MPRIP: variants seen among roughly 807,000 people sequenced by gnomAD.
The protein encoded by MPRIP is myosin phosphatase Rho interacting protein.
Under a neutral mutation model 234.9 loss-of-function variants are expected in MPRIP, and 59 were observed. The ratio of observed to expected loss-of-function variants is 0.25; its 90% confidence interval spans 0.20 to 0.31. The LOEUF is 0.31. MPRIP is among the 10% of genes least tolerant of loss of function. MPRIP has a pLI of 1.00. For synonymous variants in MPRIP, 1,144 were observed against 1,263.9 expected (o/e 0.91, Z 2.01); for missense variants, 2,436 against 3,071.0 (o/e 0.79, Z 4.89).
At chr17:17,079,365 A>G (rs1021533668) in intron 3 of MPRIP, among the ~76,000 whole-genome samples, 1 of 152,192 alleles carries the variant, frequency 6.6e-6, no homozygotes, top group Admixed American at 6.5e-5. Context: ...AGGGTAGTGT[A>G]CTGGAGGTGA....
At chr17:17,091,734 A>T (rs879275486) in intron 3 of MPRIP, among the ~76,000 whole-genome samples, 4 of 152,026 alleles carry the variant, frequency 2.6e-5, no homozygotes, top group Non-Finnish European at 5.9e-5. Flanking sequence ...AAGAATGGGG[A>T]GGGTGAGAGG....
At chr17:17,049,541 T>A (rs1033165778) in intron 1 of MPRIP, among the ~76,000 whole-genome samples, 4 of 151,840 alleles carry the variant, frequency 2.6e-5, no homozygotes, top group African/African-American at 9.7e-5. Flanking sequence ...TATAAAGGAC[T>A]CTTCTTTTAT....
intron 23 of MPRIP, 116 bp downstream of exon 23, chr17:17,180,204 G>A: frequency 1.1e-6 from 1 of 900,392 alleles, no homozygotes; most frequent in South Asian, 1.7e-5. Context: ...CCAGGGCCCA[G>A]CACTGAGCCA....
At chr17:17,083,163 C>G (rs1385983838) in intron 3 of MPRIP, among the ~76,000 whole-genome samples, 1 of 152,196 alleles carries the variant, frequency 6.6e-6, no homozygotes, top group Non-Finnish European at 1.5e-5. Flanking sequence ...GCTAAGGACT[C>G]ATAATCTCAG....
chr17:17,075,871 T>C (rs2089316770), intron 2 of MPRIP, 84 bp downstream of exon 2: 5 of 1,349,350 alleles, frequency 3.7e-6, no homozygotes, highest in Non-Finnish European at 5.3e-6. Flanking sequence ...AAGAGGGAGA[T>C]GGAGAGTTGA....
At position 17,140,630 on chromosome 17, in the gene MPRIP, G is replaced by A. The variant is rs562862516; in HGVS notation, c.1251-1997G>A. On this transcript the variant is annotated intron_variant, in intron 7 of 23. Coordinates refer to ENST00000651222, the MANE Select transcript of MPRIP (RefSeq NM_001364716.4). ...AGGTGTGCCCAGGAGCCAGACTGCT[G>A]GGACCACAGGGTTGGTTTTTTGACA... 2.0e-5 allele frequency among the ~76,000 whole-genome samples: 3 copies of A among 152,318 alleles called. No homozygotes were observed. The South Asian group carries it at 6.2e-4, about 32-fold the overall frequency.
At position 17,192,622 on chromosome 17, in the gene MPRIP, A is replaced by C. The variant is rs1039904987; in HGVS notation, c.*7728A>C. 8 of 152,164 alleles carry C rather than the reference A, an allele frequency of 5.3e-5. No individual in the cohort carries two copies. The highest frequency in any genetic ancestry group is 1.9e-4 in the African/African-American group (8 of 41,438). 9.4% of individuals were successfully genotyped at this position (152,164 alleles called of 1,614,324 possible). A position where few individuals can be genotyped will look rare whatever the true frequency, so the allele number is the denominator to read the frequency against. ...CCTAACTTTACATAAACTATATCAT[A>C]ATAAACTATTTTTGCATCACCCTTT... On this transcript the variant is annotated 3_prime_UTR_variant, in exon 24 of 24. Coordinates refer to ENST00000651222, the MANE Select transcript of MPRIP (RefSeq NM_001364716.4).
chr17:17,179,021 TAAAAG>T (rs1423733951), intron 22 of MPRIP, among the ~76,000 whole-genome samples: 8 of 151,992 alleles, frequency 5.3e-5, no homozygotes, highest in South Asian at 4.1e-4. Flanking sequence ...ATCTGTCTCT[TAAAAG>T]AAACAGAGGG....
intron 3 of MPRIP, 128 bp from the exon 4 acceptor site, chr17:17,126,574 G>T: frequency 9.3e-7 from 1 of 1,077,312 alleles, no homozygotes. Flanking sequence ...AGAGGAGCTG[G>T]GGCTGGAGTG....
intron 15 of MPRIP, among the ~76,000 whole-genome samples, chr17:17,163,700 G>T (rs1213471030): frequency 6.6e-6 from 1 of 152,094 alleles, no homozygotes; most frequent in African/African-American, 2.4e-5. Flanking sequence ...AGGATTTGTT[G>T]TCAAGACTGC....
At chr17:17,181,539 T>C (rs2046374583) in intron 23 of MPRIP, 1 of 152,250 alleles carries the variant, frequency 6.6e-6, no homozygotes, top group Non-Finnish European at 1.5e-5. Context: ...TAGGCTTGAT[T>C]GAAAACTTAG....
chr17:17,164,887 A>G lies in MPRIP; in HGVS notation c.3296A>G (p.His1099Arg). The change falls in exon 16 of 24, where the codon CAC (histidine) becomes CGC (arginine). Residue 1099 changes from histidine (H) to arginine (R), a missense_variant. His to Arg is a conservative substitution (Grantham distance 29). This residue lies in a region of MPRIP where 1,998 missense variants were observed against 2,520.3 expected (regional missense o/e 0.79). Coordinates refer to ENST00000651222, the MANE Select transcript of MPRIP (RefSeq NM_001364716.4). ...REASVRRLAEHVQSLCDERDL... is the reference protein window; with the variant it reads ...REASVRRLAERVQSLCDERDL... ...GCCAGCGTGCGCAGGCTCGCAGAGCACGTGCAGAGCCTCTGTGACGAGCGG... is the reference window on the plus strand; with the variant it reads ...GCCAGCGTGCGCAGGCTCGCAGAGCGCGTGCAGAGCCTCTGTGACGAGCGG... The G allele has an allele frequency of 7.7e-7, 1 of 1,303,944 alleles. No homozygotes were observed. The highest frequency in any genetic ancestry group is 1.0e-6 in the Non-Finnish European group (1 of 988,796). The allele number at this position is 1,303,944 out of a possible 1,614,324, so 80.8% of individuals were successfully genotyped here. A position where few individuals can be genotyped will look rare whatever the true frequency, so the allele number is the denominator to read the frequency against.
intron 1 of MPRIP, among the ~76,000 whole-genome samples, chr17:17,054,613 C>T (rs577045331): frequency 1.2e-4 from 18 of 152,096 alleles, no homozygotes; most frequent in African/African-American, 3.9e-4. Flanking sequence ...AGAAAACCCA[C>T]GGAGTCGTGA....
At chr17:17,175,161 T>C in intron 19 of MPRIP, 132 bp from the exon 20 acceptor site, 1 of 1,314,866 alleles carries the variant, frequency 7.6e-7, no homozygotes, top group Admixed American at 1.8e-5. Flanking sequence ...GAATTAAGGG[T>C]TATCGATTGG....
chr17:17,122,953 A>G (rs1208872597), intron 3 of MPRIP, among the ~76,000 whole-genome samples: 1 of 152,262 alleles, frequency 6.6e-6, no homozygotes, highest in Non-Finnish European at 1.5e-5. Context: ...TAGCCAAAAA[A>G]TGGAAACAGT....
At chr17:17,111,586 C>G (rs2090172434) in intron 3 of MPRIP, among the ~76,000 whole-genome samples, 1 of 152,202 alleles carries the variant, frequency 6.6e-6, no homozygotes, top group African/African-American at 2.4e-5. Context: ...CCTGAGAGAC[C>G]ATGCTGGGGA....
intron 12 of MPRIP, among the ~76,000 whole-genome samples, chr17:17,151,013 TTATTA>T: frequency 2.5e-5 from 1 of 40,442 alleles, no homozygotes; most frequent in Non-Finnish European, 1.2e-4. Context: ...GCCCAGCTTA[TTATTA>T]TTATTATTAT....
In MPRIP at chr17:17,166,913, C is replaced by T. The variant is rs1033434378; in HGVS notation, c.5322C>T (p.Ala1774=). 2.3e-5 allele frequency: 30 copies of T among 1,304,060 alleles called. No homozygotes were observed. In the Admixed American group the frequency reaches 6.2e-4, roughly 27 times the overall value. The allele number at this position is 1,304,060 out of a possible 1,614,324, so 80.8% of individuals were successfully genotyped here. A position where few individuals can be genotyped will look rare whatever the true frequency, so the allele number is the denominator to read the frequency against. The change falls in exon 16 of 24, where the codon GCC becomes GCT. Residue 1774 remains alanine, a synonymous_variant. Coordinates refer to ENST00000651222, the MANE Select transcript of MPRIP (RefSeq NM_001364716.4). The surrounding 1 kb of genome is among the most constrained non-coding windows in gnomAD (Gnocchi z 4.4). ...ATGTGTCTGACCAGAGCCCTGGGGC[C>T]TTTGTTGCTATTCAGGAGGAGCTTG... is the stretch of plus-strand genomic sequence containing the variant. ...PFDVSDQSPG[A]FVAIQEELAQ... is the part of the protein sequence containing the mutation.
At chr17:17,155,416 G>T (rs1329237980) in intron 13 of MPRIP, among the ~76,000 whole-genome samples, 1 of 152,070 alleles carries the variant, frequency 6.6e-6, no homozygotes, top group East Asian at 1.9e-4. Context: ...GCTAATTTTT[G>T]TATTTTTAGT....
Sources: allele counts gnomAD v4.1 joint callset (sites outside exome capture counted in the v4.1 genomes callset), GRCh38; gene constraint gnomAD v4.1.1; regional missense constraint gnomAD v4.1.1; non-coding constraint Gnocchi (gnomAD v3.1); transcripts MANE v1.5; gene names NCBI Gene and HGNC (gene_info 2026-07-23, HGNC 2026-07-21).